Variants in RALGPS2 observed in about 807,000 individuals in gnomAD.
RALGPS2 encodes Ral GEF with PH domain and SH3 binding motif 2.
RALGPS2 carries 43 observed loss-of-function variants against 86.8 expected under a neutral mutation model. That is an observed-to-expected ratio of 0.50 (90% CI 0.39 to 0.64). The LOEUF (loss-of-function observed/expected upper bound fraction) is 0.64. Among genes scored for constraint, RALGPS2 ranks in the 30% least tolerant of loss-of-function variants. The probability of loss-of-function intolerance (pLI) is 0.00; values close to 1 mark genes in which losing one functional copy is unlikely to be tolerated. For missense variants in RALGPS2, 536 were observed against 694.6 expected (o/e 0.77, Z 2.57); for synonymous variants, 243 against 231.3 (o/e 1.05, Z -0.46).
intron 18 of RALGPS2, among the ~76,000 whole-genome samples, chr1:178,905,600 T>C (rs1660357950): frequency 6.6e-6 from 1 of 152,234 alleles, no homozygotes; most frequent in Admixed American, 6.5e-5. Flanking sequence ...TTAAATATAG[T>C]TAGGCTCTTG....
chr1:178,776,952 A>AT, intron 2 of RALGPS2, 131 bp downstream of exon 2: 1 of 701,466 alleles, frequency 1.4e-6, no homozygotes, highest in South Asian at 2.1e-5. Context: ...TTTTTTTTAA[A>AT]TTTTATTTTT....
intron 5 of RALGPS2, 33 bp from the exon 6 acceptor site, chr1:178,811,282 A>C: frequency 1.4e-6 from 2 of 1,453,992 alleles, no homozygotes; most frequent in East Asian, 5.0e-5. Context: ...ATTAAAAATC[A>C]TAGTGATATT....
At chr1:178,905,717 C>T (rs1248446978) in intron 18 of RALGPS2, among the ~76,000 whole-genome samples, 4 of 152,128 alleles carry the variant, frequency 2.6e-5, no homozygotes, top group African/African-American at 9.7e-5. Context: ...TTTAGAGCAG[C>T]CTATAGTACA....
At chr1:178,739,546 T>A (rs2102018858) in intron 1 of RALGPS2, among the ~76,000 whole-genome samples, 1 of 152,312 alleles carries the variant, frequency 6.6e-6, no homozygotes, top group South Asian at 2.1e-4. Flanking sequence ...TAGGTGTTGT[T>A]GGCACGATTT....
chr1:178,735,506 C>A (rs570636677), intron 1 of RALGPS2, among the ~76,000 whole-genome samples: 2 of 150,886 alleles, frequency 1.3e-5, no homozygotes, highest in South Asian at 4.2e-4. Flanking sequence ...CAACCTCTGC[C>A]TCCCAGGTCC....
At chr1:178,898,124 A>G (rs571125312) in intron 17 of RALGPS2, among the ~76,000 whole-genome samples, 1 of 152,158 alleles carries the variant, frequency 6.6e-6, no homozygotes, top group African/African-American at 2.4e-5. Flanking sequence ...CCAACAATGA[A>G]GAGGAATGAT....
At chr1:178,856,324 C>G (rs1382294040) in intron 8 of RALGPS2, among the ~76,000 whole-genome samples, 1 of 143,932 alleles carries the variant, frequency 6.9e-6, no homozygotes, top group Non-Finnish European at 1.5e-5. Flanking sequence ...AACTTCTGGG[C>G]TCAAGTGATC....
chr1:178,887,081 G>A (rs886933134), intron 13 of RALGPS2, among the ~76,000 whole-genome samples: 1 of 151,946 alleles, frequency 6.6e-6, no homozygotes, highest in African/African-American at 2.4e-5. Context: ...ATTAAGAGAG[G>A]GATTTGTTTG....
intron 1 of RALGPS2, among the ~76,000 whole-genome samples, chr1:178,753,998 A>G (rs1056103160): frequency 2.0e-5 from 3 of 151,910 alleles, no homozygotes; most frequent in African/African-American, 7.3e-5. Flanking sequence ...CGCCCGGCTA[A>G]TTTTTAATAG....
chr1:178,915,627 C>T (rs1660782904), intron 19 of RALGPS2, among the ~76,000 whole-genome samples: 1 of 152,206 alleles, frequency 6.6e-6, no homozygotes, highest in African/African-American at 2.4e-5. Flanking sequence ...GTTATGAGTA[C>T]ATTGGCCAAC....
At chr1:178,868,864 A>G (rs17725459) in intron 8 of RALGPS2, among the ~76,000 whole-genome samples, 8,941 of 152,080 alleles carry the variant, frequency 0.059, 352 homozygotes, top group Non-Finnish European at 0.092. Context: ...CTTCACTGTC[A>G]CTTAAAGCAG....
rs370402514 is a variant in RALGPS2 at position 178,889,709 on chromosome 1, G to T, written c.1247+13G>T. The T allele has an allele frequency of 6.3e-6, 10 of 1,593,714 alleles. No individual in the cohort carries two copies. In the Admixed American group the frequency reaches 8.6e-5, roughly 14 times the overall value. ...CTGCTTTTGAAAGGTAAGATAAATTGTCCATTTGAACTACTTGGAGTTTAT... is the reference window on the plus strand; with the variant it reads ...CTGCTTTTGAAAGGTAAGATAAATTTTCCATTTGAACTACTTGGAGTTTAT... On this transcript the variant is annotated intron_variant, in intron 14 of 19. Transcript: ENST00000367635.
At chr1:178,863,797 A>G (rs1486083742) in intron 8 of RALGPS2, among the ~76,000 whole-genome samples, 1 of 152,236 alleles carries the variant, frequency 6.6e-6, no homozygotes, top group South Asian at 2.1e-4. Flanking sequence ...AAGGAAGAAT[A>G]TTAAAATGTA....
chr1:178,729,711 A>G (rs1205038741), intron 1 of RALGPS2, among the ~76,000 whole-genome samples: 1 of 152,186 alleles, frequency 6.6e-6, no homozygotes, highest in Non-Finnish European at 1.5e-5. Context: ...TGGCAATGCA[A>G]GTCTTCCAAA....
Position 178,897,689 on chromosome 1 carries a change from C to T in RALGPS2, c.1457C>T (p.Ala486Val), listed in dbSNP as rs1245456491. The change falls in exon 17 of 20, where the codon GCA becomes GTA. Residue 486 changes from alanine to valine, a missense_variant. By Grantham distance (64) the Ala-to-Val change is moderately conservative. This residue lies in a region of RALGPS2 where 309 missense variants were observed against 363.0 expected (regional missense o/e 0.85). Transcript: ENST00000367635. ...GTAGCATCTTGGACAAAATATTGGG[C>T]AGCTTTGTGTGGGACACAGCTTTTT... ...PTVASWTKYW[A>V]ALCGTQLFYY... 3.1e-6 allele frequency: 5 copies of T among 1,612,314 alleles called. No homozygotes were observed. The highest frequency in any genetic ancestry group is 3.4e-6 in the Non-Finnish European group (4 of 1,178,896).
At chr1:178,865,390 A>G (rs1307640396) in intron 8 of RALGPS2, 6 of 1,614,094 alleles carry the variant, frequency 3.7e-6, no homozygotes, top group Non-Finnish European at 5.1e-6. Flanking sequence ...GTTGAGTAAC[A>G]CGAGAGTTCA....
chr1:178,852,556 G>A, intron 8 of RALGPS2: 1 of 923,562 alleles, frequency 1.1e-6, no homozygotes, highest in Non-Finnish European at 1.6e-6. Flanking sequence ...TAGGTTGGTT[G>A]TATTTCCTGC....
chr1:178,808,217 G>T (rs1240052089), intron 5 of RALGPS2, 89 bp downstream of exon 5: 3 of 913,506 alleles, frequency 3.3e-6, no homozygotes, highest in African/African-American at 3.4e-5. Flanking sequence ...TTTTACATCA[G>T]TTCTGGAATA....
intron 7 of RALGPS2, among the ~76,000 whole-genome samples, chr1:178,827,274 A>G (rs1376424124): frequency 2.6e-5 from 4 of 152,254 alleles, no homozygotes; most frequent in Admixed American, 1.3e-4. Flanking sequence ...CAAAATTTCA[A>G]TGACATTTAT....
Sources: allele counts gnomAD v4.1 joint callset (sites outside exome capture counted in the v4.1 genomes callset), GRCh38; gene constraint gnomAD v4.1.1; regional missense constraint gnomAD v4.1.1; transcripts MANE v1.5; gene names NCBI Gene and HGNC (gene_info 2026-07-23, HGNC 2026-07-21).